C10orf67: variants seen among roughly 807,000 people sequenced by gnomAD.
The protein encoded by C10orf67 is uncharacterized protein C10orf67, mitochondrial.
In C10orf67, 60 loss-of-function variants were observed where a neutral mutation model predicts 35.6. The ratio of observed to expected loss-of-function variants is 1.68; its 90% CI spans 1.37 to 2.09. The LOEUF (loss-of-function observed/expected upper bound fraction) is 2.09, where lower values mean the gene tolerates loss of function less well. Among genes scored for constraint, C10orf67 ranks in the 30% most tolerant of loss-of-function variants. The pLI, the probability that C10orf67 is intolerant of heterozygous loss-of-function variation, is 0.00. For missense variants in C10orf67, 474 were observed against 330.2 expected, an observed-to-expected ratio of 1.44 and a Z score of -3.38; for synonymous variants, 167 against 115.8, an observed-to-expected ratio of 1.44 and a Z score of -2.84.
intron 15 of C10orf67, among the ~76,000 whole-genome samples, chr10:23,220,892 T>C (rs1841558884): frequency 1.3e-5 from 2 of 152,220 alleles, no homozygotes; most frequent in South Asian, 2.1e-4. Flanking sequence ...ATGAGGATTC[T>C]GTAACAGAAA....
At position 23,250,657 on chromosome 10, in the gene C10orf67, T is replaced by A. The variant is rs186342627; in HGVS notation, c.1235A>T (p.Glu412Val). 4.8e-4 allele frequency: 191 copies of A among 398,680 alleles called. 1 individual carries two copies. The highest frequency in any genetic ancestry group is 7.5e-4 in the Non-Finnish European group (169 of 225,866). The allele number at this position is 398,680 out of a possible 1,614,324, so 24.7% of individuals were successfully genotyped here. A position where few individuals can be genotyped will look rare whatever the true frequency, so the allele number is the denominator to read the frequency against. The change falls in exon 11 of 16, where the codon GAA (glutamate) becomes GTA (valine). Residue 412 changes from glutamate to valine, a missense_variant. By Grantham distance (121) the Glu-to-Val change is moderately radical. Transcript: ENST00000636213. ...ATTCTCTAAATTTGCCTTTAATGCT[T>A]CTATTTGAGACTCCAAACCATGTTT... The part of the protein sequence containing the change: ...EDKHGLESQI[E>V]ALKANLENEK...
chr10:23,262,908 G>T (rs545534396), intron 10 of C10orf67, among the ~76,000 whole-genome samples: 125 of 152,254 alleles, frequency 8.2e-4, no homozygotes, highest in African/African-American at 3.0e-3. Flanking sequence ...TGAAAAATGT[G>T]ATTTTCAATG....
At chr10:23,224,745 A>G (rs1564460436) in intron 13 of C10orf67, among the ~76,000 whole-genome samples, 2 of 152,256 alleles carry the variant, frequency 1.3e-5, no homozygotes, top group South Asian at 2.1e-4. Context: ...AAGCTTTAGT[A>G]GCCGATTCGA....
At chr10:23,257,479 A>T (rs1379327996) in intron 10 of C10orf67, among the ~76,000 whole-genome samples, 1 of 151,912 alleles carries the variant, frequency 6.6e-6, no homozygotes, top group African/African-American at 2.4e-5. Context: ...CCCAGCTCCC[A>T]CTCTAGTCAC....
intron 15 of C10orf67, among the ~76,000 whole-genome samples, chr10:23,218,041 C>T (rs1258675881): frequency 6.6e-6 from 1 of 152,164 alleles, no homozygotes; most frequent in Admixed American, 6.5e-5. Context: ...TTATTTTTGT[C>T]ATCACTTCTC....
chr10:23,290,956 T>A (rs542114219), intron 6 of C10orf67, among the ~76,000 whole-genome samples, 176 bp downstream of exon 6: 1 of 152,190 alleles, frequency 6.6e-6, no homozygotes, highest in Admixed American at 6.5e-5. Flanking sequence ...TACAAACACA[T>A]CCTCTGTCCC....
At chr10:23,209,589 G>T (rs773439762) in intron 15 of C10orf67, among the ~76,000 whole-genome samples, 1 of 152,094 alleles carries the variant, frequency 6.6e-6, no homozygotes, top group Admixed American at 6.5e-5. Flanking sequence ...AAGAAGAGAC[G>T]GAGAGGAAGA....
intron 2 of C10orf67, among the ~76,000 whole-genome samples, chr10:23,332,309 G>C (rs1021437462): frequency 6.6e-6 from 1 of 152,202 alleles, no homozygotes; most frequent in Non-Finnish European, 1.5e-5. Context: ...GCTACCTCAT[G>C]TAACAGCTTT....
At chr10:23,322,726 G>A (rs546391954) in intron 2 of C10orf67, among the ~76,000 whole-genome samples, 189 bp from the exon 3 acceptor site, 32 of 152,128 alleles carry the variant, frequency 2.1e-4, no homozygotes, top group African/African-American at 7.2e-4. Context: ...AATACCTAGT[G>A]GGAAGTAGCA....
intron 7 of C10orf67, among the ~76,000 whole-genome samples, chr10:23,282,786 G>A (rs544986933): frequency 1.4e-4 from 21 of 152,242 alleles, no homozygotes; most frequent in East Asian, 5.8e-4. Context: ...AACTATGGTC[G>A]CACCACTGCA....
At chr10:23,252,467 C>T (rs758615907) in intron 10 of C10orf67, among the ~76,000 whole-genome samples, 3 of 152,172 alleles carry the variant, frequency 2.0e-5, no homozygotes, top group Non-Finnish European at 4.4e-5. Context: ...TTCTTGTTCT[C>T]TTTGTTCACT....
chr10:23,276,966 A>T (rs7071484), intron 8 of C10orf67, among the ~76,000 whole-genome samples: 2 of 152,060 alleles, frequency 1.3e-5, no homozygotes, highest in Non-Finnish European at 2.9e-5. Context: ...CAAACGGATA[A>T]GACATTTCAC....
chr10:23,299,933 G>A (rs567469336), intron 5 of C10orf67, among the ~76,000 whole-genome samples: 18 of 151,350 alleles, frequency 1.2e-4, no homozygotes, highest in African/African-American at 3.6e-4. Flanking sequence ...AGCCAAGATC[G>A]CGCCACTGCA....
At chr10:23,247,312 A>G (rs1017984588) in intron 12 of C10orf67, among the ~76,000 whole-genome samples, 3 of 152,072 alleles carry the variant, frequency 2.0e-5, no homozygotes, top group Non-Finnish European at 2.9e-5. Flanking sequence ...TATCTTTTAT[A>G]CCGCATTTTC....
chr10:23,344,126 C>G (rs1365334992), intron 1 of C10orf67: 1 of 144,832 alleles, frequency 6.9e-6, no homozygotes, highest in Non-Finnish European at 1.4e-5. Context: ...TGGGCGGGGG[C>G]CGGGGAGGGC....
intron 2 of C10orf67, among the ~76,000 whole-genome samples, chr10:23,331,572 G>C (rs539055234): frequency 7.1e-5 from 8 of 113,154 alleles, no homozygotes; most frequent in African/African-American, 2.8e-4. Context: ...AAGGGAACCG[G>C]GATGGGGAAG....
chr10:23,262,923 T>G (rs1283047955), intron 10 of C10orf67, among the ~76,000 whole-genome samples: 2 of 152,242 alleles, frequency 1.3e-5, no homozygotes. Context: ...TCAATGATTT[T>G]GACATTTTAT....
At chr10:23,205,102 C>T (rs1307959109) in intron 15 of C10orf67, among the ~76,000 whole-genome samples, 4 of 152,168 alleles carry the variant, frequency 2.6e-5, no homozygotes, top group Non-Finnish European at 4.4e-5. Context: ...GTGACAACCT[C>T]GGCTTTCAAT....
intron 1 of C10orf67, among the ~76,000 whole-genome samples, chr10:23,339,707 G>A (rs1369544170): frequency 1.3e-5 from 2 of 152,172 alleles, no homozygotes; most frequent in Non-Finnish European, 2.9e-5. Context: ...GCTGCTTTTT[G>A]TGTTTGCTAT....
Sources: allele counts gnomAD v4.1 joint callset (sites outside exome capture counted in the v4.1 genomes callset), GRCh38; gene constraint gnomAD v4.1.1; transcripts MANE v1.5; gene names NCBI Gene and HGNC (gene_info 2026-07-23, HGNC 2026-07-21).